TCF4: variants seen among roughly 807,000 people sequenced by gnomAD.
TCF4 encodes the protein SL3-3 enhancer factor 2.
Under a neutral mutation model 82.1 loss-of-function variants are expected in TCF4, and 3 were observed. The ratio of observed to expected loss-of-function variants is 0.04; its 90% CI spans 0.02 to 0.09. The LOEUF is 0.09. TCF4 is among the 10% of genes least tolerant of loss of function. TCF4 has a pLI of 1.00. For synonymous variants in TCF4, 276 were observed against 309.6 expected, an observed-to-expected ratio of 0.89 and a Z score of 1.14; for missense variants, 518 against 852.7, an observed-to-expected ratio of 0.61 and a Z score of 4.89.
chr18:55,315,873 T>G (rs894554732), intron 8 of TCF4, among the ~76,000 whole-genome samples: 1 of 152,120 alleles, frequency 6.6e-6, no homozygotes, highest in Non-Finnish European at 1.5e-5. Flanking sequence ...ACAACTGCTT[T>G]TTTTTTAGGA....
Position 55,464,650 on chromosome 18 carries a change from C to G in TCF4, c.146-513G>C, listed in dbSNP as rs151095620. ...GAAAGTATTCAGTAGTCTATTTCCACCAGCACATTACAGGGATATTAGGAC... is the reference window on the plus strand; with the variant it reads ...GAAAGTATTCAGTAGTCTATTTCCAGCAGCACATTACAGGGATATTAGGAC... On this transcript the variant is annotated intron_variant, in intron 3 of 19. Coordinates refer to ENST00000354452, the MANE Select transcript of TCF4 (RefSeq NM_001083962.2). Among the ~76,000 whole-genome samples the G allele has an allele frequency of 1.2e-4, 18 of 152,220 alleles. No homozygotes were observed. In the East Asian group the frequency reaches 3.5e-3, roughly 29 times the overall value.
chr18:55,394,782 A>C (rs750981947), intron 6 of TCF4, among the ~76,000 whole-genome samples: 2 of 152,236 alleles, frequency 1.3e-5, no homozygotes, highest in Non-Finnish European at 2.9e-5. Context: ...TGAAAGGTCC[A>C]TGCTTTAGGA....
chr18:55,449,392 A>C (rs1213814069), intron 5 of TCF4, among the ~76,000 whole-genome samples: 2 of 152,238 alleles, frequency 1.3e-5, no homozygotes, highest in Non-Finnish European at 2.9e-5. Context: ...GTATGAATTT[A>C]ATCCTGTCAG....
At chr18:55,380,006 T>A (rs1000613240) in intron 6 of TCF4, among the ~76,000 whole-genome samples, 2 of 152,094 alleles carry the variant, frequency 1.3e-5, no homozygotes, top group African/African-American at 2.4e-5. Context: ...CCTGGGTCAC[T>A]AGGACTACAG....
At chr18:55,251,089 C>T (rs977249280) in intron 15 of TCF4, among the ~76,000 whole-genome samples, 1 of 152,132 alleles carries the variant, frequency 6.6e-6, no homozygotes, top group Non-Finnish European at 1.5e-5. Flanking sequence ...TGGTAATATG[C>T]CCAGCCTTGT....
intron 8 of TCF4, among the ~76,000 whole-genome samples, chr18:55,293,930 A>AATTTT (rs1568769774): frequency 1.8e-3 from 41 of 22,652 alleles, no homozygotes; most frequent in African/African-American, 3.8e-3. Flanking sequence ...CTTTCCAAGG[A>AATTTT]CTTTTTTTTT....
At chr18:55,369,190 T>A (rs2088174754) in intron 6 of TCF4, among the ~76,000 whole-genome samples, 1 of 152,178 alleles carries the variant, frequency 6.6e-6, no homozygotes, top group South Asian at 2.1e-4. Flanking sequence ...GTACAAAAAG[T>A]TTGACATGTC....
At chr18:55,635,932 A>G in exon 1 of TCF4, 5 of 1,579,902 alleles carry the variant, frequency 3.2e-6, no homozygotes, top group Non-Finnish European at 3.4e-6. Context: ...GTGCCAATCT[A>G]CAAGAAAGGT....
At chr18:55,308,852 CA>C (rs1345718173) in intron 8 of TCF4, among the ~76,000 whole-genome samples, 1 of 152,154 alleles carries the variant, frequency 6.6e-6, no homozygotes, top group African/African-American at 2.4e-5. Flanking sequence ...TATATAGCAG[CA>C]ATGACTCTAT....
intron 2 of TCF4, among the ~76,000 whole-genome samples, chr18:55,612,722 C>T (rs925985832): frequency 7.2e-5 from 11 of 151,914 alleles, no homozygotes; most frequent in South Asian, 2.1e-4. Flanking sequence ...CTGAGGCCGG[C>T]GGATCACCTG....
At chr18:55,238,487 G>T (rs767442363) in intron 15 of TCF4, among the ~76,000 whole-genome samples, 52 of 152,160 alleles carry the variant, frequency 3.4e-4, no homozygotes, top group Non-Finnish European at 5.4e-4. Flanking sequence ...TGTGGTCCTG[G>T]TTTTTGTGGA....
At chr18:55,449,365 C>T (rs1197621635) in intron 5 of TCF4, among the ~76,000 whole-genome samples, 1 of 152,136 alleles carries the variant, frequency 6.6e-6, no homozygotes, top group Non-Finnish European at 1.5e-5. Flanking sequence ...CATGAAAAAA[C>T]ATACACACCA....
At chr18:55,417,891 C>A (rs952101971) in intron 5 of TCF4, among the ~76,000 whole-genome samples, 1 of 151,866 alleles carries the variant, frequency 6.6e-6, no homozygotes, top group Non-Finnish European at 1.5e-5. Context: ...CGGGGGAGAA[C>A]TGTACCTATA....
At chr18:55,298,905 T>C (rs1485063527) in intron 8 of TCF4, among the ~76,000 whole-genome samples, 2 of 152,152 alleles carry the variant, frequency 1.3e-5, no homozygotes, top group Non-Finnish European at 2.9e-5. Flanking sequence ...ATACATTCAG[T>C]AACCATTATA....
At chr18:55,334,289 T>C (rs2078177908) in intron 8 of TCF4, among the ~76,000 whole-genome samples, 1 of 152,178 alleles carries the variant, frequency 6.6e-6, no homozygotes. Context: ...CTACATGTCT[T>C]AAAATACCCC....
intron 3 of TCF4, among the ~76,000 whole-genome samples, chr18:55,548,584 T>C (rs1285369934): frequency 6.6e-6 from 1 of 152,212 alleles, no homozygotes; most frequent in East Asian, 1.9e-4. Context: ...GGATACATTC[T>C]GAGAAATACA....
chr18:55,484,865 G>A (rs959256757), intron 3 of TCF4, among the ~76,000 whole-genome samples: 9 of 152,206 alleles, frequency 5.9e-5, no homozygotes, highest in African/African-American at 1.9e-4. Flanking sequence ...ACGTGCAGCA[G>A]TTTTTGGTAT....
At chr18:55,428,943 T>A (rs1037072073) in intron 5 of TCF4, among the ~76,000 whole-genome samples, 2 of 151,788 alleles carry the variant, frequency 1.3e-5, no homozygotes, top group African/African-American at 4.8e-5. Context: ...AACATCTTAA[T>A]AGAGCAAAAC....
chr18:55,364,466 T>A (rs996645471), intron 6 of TCF4, among the ~76,000 whole-genome samples: 7 of 152,250 alleles, frequency 4.6e-5, no homozygotes, highest in Non-Finnish European at 8.8e-5. Flanking sequence ...CAAATCATGA[T>A]GTTCATCAGA....
Sources: gnomAD v4.1 joint callset for allele counts (sites outside exome capture counted in the v4.1 genomes callset) on GRCh38, gnomAD v4.1.1 for gene constraint, MANE v1.5 for transcripts, NCBI Gene and HGNC (gene_info 2026-07-23, HGNC 2026-07-21) for gene names.